Variants in DNAH2 observed in about 807,000 individuals in gnomAD.
The protein encoded by DNAH2 is axonemal beta dynein heavy chain 2.
A neutral mutation model predicts 523.5 loss-of-function variants in DNAH2; 323 were observed. The observed-to-expected ratio is 0.62, with a 90% CI of 0.56 to 0.68. The LOEUF (loss-of-function observed/expected upper bound fraction) is 0.68. DNAH2 is among the 30% of genes least tolerant of loss of function. The pLI is 0.00. For synonymous variants in DNAH2, 2,093 were observed against 2,177.4 expected, an observed-to-expected ratio of 0.96 and a Z score of 1.08; for missense variants, 4,907 against 5,701.5, an observed-to-expected ratio of 0.86 and a Z score of 4.49.
chr17:7,730,111 A>G (rs959320275), intron 4 of DNAH2, among the ~76,000 whole-genome samples: 1 of 151,486 alleles, frequency 6.6e-6, no homozygotes, highest in Non-Finnish European at 1.5e-5. Context: ...CCACAACTTA[A>G]TAAGACCAGG....
intron 28 of DNAH2, among the ~76,000 whole-genome samples, chr17:7,773,486 A>G (rs973792719): frequency 5.3e-5 from 8 of 151,968 alleles, no homozygotes; most frequent in African/African-American, 1.5e-4. Flanking sequence ...CCCACTGGGG[A>G]TATGTTCCAA....
At chr17:7,745,226 C>T (rs1351329095) in intron 12 of DNAH2, among the ~76,000 whole-genome samples, 1 of 152,064 alleles carries the variant, frequency 6.6e-6, no homozygotes, top group Non-Finnish European at 1.5e-5. Context: ...AAATCCTGAC[C>T]TCAGGTGATC....
intron 2 of DNAH2, among the ~76,000 whole-genome samples, chr17:7,722,307 C>T (rs943822467): frequency 3.3e-5 from 5 of 152,130 alleles, no homozygotes; most frequent in East Asian, 3.9e-4. Context: ...GCCCGGCCCC[C>T]AGTCAGCTTT....
Position 7,818,910 on chromosome 17 carries a change from T to C in DNAH2, c.10671-9T>C, listed in dbSNP as rs1488356015. 2.5e-6 allele frequency: 4 copies of C among 1,608,926 alleles called. No homozygotes were observed. Among genetic ancestry groups the C allele is most frequent in the Admixed American group, 1.7e-5 (1 of 59,818 alleles). ...CCCTTGCTCCATGTGCCTCTGGGCCTCCCCCTAGGCTGCTGAATGAGGCCA... is the reference window on the plus strand; with the variant it reads ...CCCTTGCTCCATGTGCCTCTGGGCCCCCCCCTAGGCTGCTGAATGAGGCCA... On this transcript the variant is annotated splice_polypyrimidine_tract_variant and intron_variant, in intron 70 of 85. Coordinates refer to ENST00000572933, the MANE Select transcript of DNAH2 (RefSeq NM_020877.5).
At position 7,733,475 on chromosome 17, in the gene DNAH2, C is replaced by CTTTTT. The variant is rs1199721840; in HGVS notation, c.628+176_628+180dup. On this transcript the variant is annotated intron_variant, in intron 5 of 85. Coordinates refer to ENST00000572933, the MANE Select transcript of DNAH2 (RefSeq NM_020877.5). ...AGGGTACAAGATCCGCCTTCTTCTT[C>CTTTTT]TTTTTTTTTTTTTTTTTTTTGAGAT... 1.0e-3 allele frequency among the ~76,000 whole-genome samples: 119 copies of CTTTTT among 113,852 alleles called. 2 individuals are homozygous for CTTTTT. Among genetic ancestry groups the CTTTTT allele is most frequent in the African/African-American group, 2.9e-3 (90 of 30,906 alleles). The allele number at this position is 113,852 out of a possible 152,430, so 74.7% of individuals were successfully genotyped here. A position where few individuals can be genotyped will look rare whatever the true frequency, so the allele number is the denominator to read the frequency against.
intron 63 of DNAH2, among the ~76,000 whole-genome samples, chr17:7,816,320 T>C (rs1356556868): frequency 1.3e-5 from 2 of 152,192 alleles, no homozygotes; most frequent in Non-Finnish European, 2.9e-5. Context: ...AAGTAGTTTC[T>C]GGGCTCTAGG....
At chr17:7,773,785 G>A (rs1418135071) in intron 28 of DNAH2, among the ~76,000 whole-genome samples, 3 of 151,720 alleles carry the variant, frequency 2.0e-5, no homozygotes, top group African/African-American at 4.8e-5. Context: ...GCTGGAGTGC[G>A]GTGGCACAAT....
intron 11 of DNAH2, 115 bp downstream of exon 11, chr17:7,741,107 G>C: frequency 7.5e-7 from 1 of 1,341,596 alleles, no homozygotes; most frequent in Non-Finnish European, 9.9e-7. Context: ...ATGTCGGTGA[G>C]GGGAGTGGCA....
Position 7,758,540 on chromosome 17 carries a change from G to A in DNAH2, c.2097G>A (p.Glu699=), listed in dbSNP as rs764800916. ...CAGATGAGCAGGCCCTATTCAAAGA[G>A]CGTATTCGGCTCCTGGATAAGAAGA... ...LSPDEQALFK[E]RIRLLDKKIH... Residue 699 remains glutamate, a synonymous_variant, in exon 14 of 86, where the codon GAG becomes GAA. Coordinates refer to ENST00000572933, the MANE Select transcript of DNAH2 (RefSeq NM_020877.5). 1.9e-6 allele frequency: 3 copies of A among 1,614,094 alleles called. No individual in the cohort carries two copies. The highest frequency in any genetic ancestry group is 2.2e-5 in the South Asian group (2 of 91,066).
chr17:7,789,002 T>G (rs1473544082), intron 44 of DNAH2, among the ~76,000 whole-genome samples: 15 of 152,074 alleles, frequency 9.9e-5, no homozygotes, highest in Non-Finnish European at 2.2e-4. Context: ...CTGTCTCTAC[T>G]AAAAATACAA....
chr17:7,830,932 G>A, intron 79 of DNAH2, 90 bp downstream of exon 79: 7 of 1,561,994 alleles, frequency 4.5e-6, no homozygotes, highest in Non-Finnish European at 6.1e-6. Context: ...TTGAGGAGAG[G>A]ACGTGAGATT....
chr17:7,814,185 CAA>C (rs59214536), intron 63 of DNAH2, among the ~76,000 whole-genome samples: 27,838 of 101,184 alleles, frequency 0.28, 2,684 homozygotes, highest in Middle Eastern at 0.41. Context: ...CACTATTCTC[CAA>C]AAAAAAAAAA....
chr17:7,803,254 C>T (rs923838385), intron 58 of DNAH2, among the ~76,000 whole-genome samples: 2 of 152,086 alleles, frequency 1.3e-5, no homozygotes, highest in African/African-American at 4.8e-5. Flanking sequence ...TCTGCCTGGC[C>T]GGTTATAAAT....
chr17:7,745,293 C>T (rs1230132483), intron 12 of DNAH2, among the ~76,000 whole-genome samples: 1 of 152,012 alleles, frequency 6.6e-6, no homozygotes, highest in South Asian at 2.1e-4. Context: ...CTGTGTCTGG[C>T]CAAGTATTTA....
At chr17:7,802,419 T>C (rs1356533928) in intron 58 of DNAH2, among the ~76,000 whole-genome samples, 1 of 152,162 alleles carries the variant, frequency 6.6e-6, no homozygotes, top group Non-Finnish European at 1.5e-5. Context: ...TCAGCATCCG[T>C]GGGGGATTGG....
chr17:7,773,799 G>A (rs1201152424), intron 28 of DNAH2, among the ~76,000 whole-genome samples: 1 of 151,818 alleles, frequency 6.6e-6, no homozygotes, highest in Non-Finnish European at 1.5e-5. Flanking sequence ...GCACAATCTC[G>A]GCTCACTGCA....
Position 7,805,354 on chromosome 17 carries a change from G to A in DNAH2, c.9403G>A (p.Gly3135Ser). The A allele has an allele frequency of 6.2e-7, 1 of 1,614,252 alleles. No individual in the cohort carries two copies. The highest frequency in any genetic ancestry group is 8.5e-7 in the Non-Finnish European group (1 of 1,180,048). The change falls in exon 61 of 86, where the codon GGC becomes AGC. Residue 3135 changes from glycine (G) to serine (S), a missense_variant. Around this residue, in one of 3 missense-constraint regions of DNAH2, gnomAD observed 1,851 missense variants for 2,139.4 expected, o/e 0.87. Coordinates refer to ENST00000572933, the MANE Select transcript of DNAH2 (RefSeq NM_020877.5). ...IVMQAVMILR[G>S]NEPTWAEAKR... Reference sequence around the variant, plus strand: ...GATGCAGGCAGTTATGATTCTTCGAGGCAACGAGCCCACATGGGCAGAGGC... The same window carrying A: ...GATGCAGGCAGTTATGATTCTTCGAAGCAACGAGCCCACATGGGCAGAGGC...
At chr17:7,735,878 G>A (rs1213290142) in intron 7 of DNAH2, among the ~76,000 whole-genome samples, 12 of 151,850 alleles carry the variant, frequency 7.9e-5, no homozygotes, top group South Asian at 2.1e-4. Flanking sequence ...TCAGCCTCCC[G>A]AGTAGCTGAG....
At chr17:7,725,441 T>TATATATATATATATATA (rs398119671) in intron 3 of DNAH2, among the ~76,000 whole-genome samples, 39 of 136,984 alleles carry the variant, frequency 2.8e-4, no homozygotes, top group South Asian at 7.0e-4. Flanking sequence ...TATATATATA[T>TATATATATATATATATA]TTTCTTTTTG....
Sources: allele counts gnomAD v4.1 joint callset (sites outside exome capture counted in the v4.1 genomes callset), GRCh38; gene constraint gnomAD v4.1.1; regional missense constraint gnomAD v4.1.1; transcripts MANE v1.5; gene names NCBI Gene and HGNC (gene_info 2026-07-23, HGNC 2026-07-21).